EPHB1: variants seen among roughly 807,000 people sequenced by gnomAD.
EPHB1 encodes EPH receptor B1, also known as ephrin type-B receptor 1.
Under a neutral mutation model 94.4 loss-of-function variants are expected in EPHB1, and 30 were observed. That is an observed-to-expected ratio of 0.32 (90% confidence interval 0.24 to 0.43). The LOEUF (loss-of-function observed/expected upper bound fraction) is 0.43, where lower values mean the gene tolerates loss of function less well. Among genes scored for constraint, EPHB1 ranks in the 20% least tolerant of loss-of-function variants. The probability of loss-of-function intolerance (pLI) is 1.00; values close to 1 mark genes in which losing one functional copy is unlikely to be tolerated. For synonymous variants in EPHB1, 522 were observed against 489.1 expected (o/e 1.07, Z -0.89); for missense variants, 1,055 against 1,308.3 (o/e 0.81, Z 2.99).
chr3:134,801,209 C>T (rs2035928725), intron 1 of EPHB1, among the ~76,000 whole-genome samples: 1 of 152,208 alleles, frequency 6.6e-6, no homozygotes, highest in Admixed American at 6.5e-5. Flanking sequence ...TCTCTCTGCA[C>T]CTTCCTCCTA....
intron 3 of EPHB1, among the ~76,000 whole-genome samples, chr3:134,982,802 G>A (rs1298223722): frequency 7.3e-6 from 1 of 136,340 alleles, no homozygotes; most frequent in Non-Finnish European, 1.6e-5. Context: ...ACTTTCCAAA[G>A]AGATATTTTC....
chr3:135,098,766 C>T (rs896632872), intron 3 of EPHB1, among the ~76,000 whole-genome samples: 2 of 152,092 alleles, frequency 1.3e-5, no homozygotes, highest in African/African-American at 4.8e-5. Context: ...AATCCCAACA[C>T]TTTGGGAAGC....
intron 1 of EPHB1, among the ~76,000 whole-genome samples, chr3:134,847,919 G>T: frequency 6.6e-6 from 1 of 152,196 alleles, no homozygotes; most frequent in Non-Finnish European, 1.5e-5. Context: ...TCTACCCACT[G>T]AGCCTTGCAC....
Position 134,951,983 on chromosome 3 carries a change from T to C in EPHB1, c.736T>C (p.Trp246Arg), listed in dbSNP as rs1933050727. Residue 246 changes from tryptophan (W) to arginine (R), a missense_variant, in exon 3 of 16, where the codon TGG (tryptophan) becomes CGG (arginine). Coordinates refer to ENST00000398015, the MANE Select transcript of EPHB1 (RefSeq NM_004441.5). The surrounding 1 kb of genome is among the most constrained non-coding windows in gnomAD (Gnocchi z 4.5). ...ACTCTACTGCAACGGGGATGGGGAA[T>C]GGATGGTGCCTATTGGGCGATGCAC... ...IKLYCNGDGE[W>R]MVPIGRCTCK... 6.2e-7 allele frequency: 1 copy of C among 1,613,846 alleles called. No individual in the cohort carries two copies. Among genetic ancestry groups the C allele is most frequent in the Non-Finnish European group, 8.5e-7 (1 of 1,179,888 alleles).
rs140119847 is a variant in EPHB1 at position 135,124,283 on chromosome 3, C to A, written c.962-8431C>A. ...AGATGGCCTCTGCTCTGAGAGAGCT[C>A]CCCTCACCACACCAGCATGCTGTCT... On this transcript the variant is annotated intron_variant, in intron 4 of 15. Coordinates refer to ENST00000398015, the MANE Select transcript of EPHB1 (RefSeq NM_004441.5). 6.6e-5 allele frequency among the ~76,000 whole-genome samples: 10 copies of A among 151,782 alleles called. No homozygotes were observed. In the South Asian group the frequency reaches 1.7e-3, roughly 25 times the overall value.
intron 1 of EPHB1, among the ~76,000 whole-genome samples, chr3:134,801,768 G>A (rs540659470): frequency 6.6e-6 from 1 of 152,334 alleles, no homozygotes; most frequent in Non-Finnish European, 1.5e-5. Flanking sequence ...TTGGGTCAGA[G>A]TGCTTAACTA....
At chr3:134,877,200 G>C (rs1256755790) in intron 1 of EPHB1, among the ~76,000 whole-genome samples, 1 of 152,202 alleles carries the variant, frequency 6.6e-6, no homozygotes, top group African/African-American at 2.4e-5. Flanking sequence ...GATCTAGGAA[G>C]ATCCACCATT....
chr3:134,883,010 G>C (rs1230282866), intron 1 of EPHB1, among the ~76,000 whole-genome samples: 1 of 151,930 alleles, frequency 6.6e-6, no homozygotes, highest in East Asian at 1.9e-4. Flanking sequence ...TTTTACTAGA[G>C]ATGGGGTTTC....
intron 3 of EPHB1, among the ~76,000 whole-genome samples, chr3:135,050,649 G>A (rs1402610561): frequency 1.3e-5 from 2 of 152,126 alleles, no homozygotes; most frequent in Admixed American, 6.5e-5. Context: ...TTTCGTCATG[G>A]GGCTGGATCC....
At chr3:135,224,281 CT>C (rs1178618715) in intron 12 of EPHB1, among the ~76,000 whole-genome samples, 2 of 152,148 alleles carry the variant, frequency 1.3e-5, no homozygotes, top group Non-Finnish European at 2.9e-5. Flanking sequence ...TTTTCTTTGC[CT>C]TTTATGACAT....
chr3:135,196,896 A>G (rs1377687681), intron 11 of EPHB1, among the ~76,000 whole-genome samples: 8 of 152,180 alleles, frequency 5.3e-5, no homozygotes, highest in African/African-American at 1.7e-4. Context: ...ATACAAATCC[A>G]TAATTAAATT....
chr3:134,938,930 G>A (rs2039062358), intron 2 of EPHB1, among the ~76,000 whole-genome samples: 1 of 152,124 alleles, frequency 6.6e-6, no homozygotes, highest in Admixed American at 6.5e-5. Flanking sequence ...CTAAGCTGGG[G>A]ATCCGCATGA....
intron 1 of EPHB1, among the ~76,000 whole-genome samples, chr3:134,883,430 G>A (rs1303705146): frequency 7.9e-5 from 12 of 152,156 alleles, no homozygotes; most frequent in East Asian, 3.9e-4. Flanking sequence ...TGAGCATTCC[G>A]TCCCACACAG....
At chr3:134,968,494 T>G (rs893813020) in intron 3 of EPHB1, among the ~76,000 whole-genome samples, 1 of 152,214 alleles carries the variant, frequency 6.6e-6, no homozygotes, top group African/African-American at 2.4e-5. Context: ...TAAATAGCTA[T>G]GGGTTTGTCC....
At chr3:135,090,554 T>A (rs144019377) in intron 3 of EPHB1, among the ~76,000 whole-genome samples, 1 of 152,338 alleles carries the variant, frequency 6.6e-6, no homozygotes, top group Non-Finnish European at 1.5e-5. Context: ...TCACTGCAAT[T>A]TAGGAGCTGA....
At chr3:134,851,551 G>C (rs1485065637) in intron 1 of EPHB1, among the ~76,000 whole-genome samples, 1 of 152,178 alleles carries the variant, frequency 6.6e-6, no homozygotes, top group African/African-American at 2.4e-5. Flanking sequence ...TTGCATGGGA[G>C]GAACACCTGG....
At chr3:135,076,251 A>ATG in intron 3 of EPHB1, among the ~76,000 whole-genome samples, 1 of 145,094 alleles carries the variant, frequency 6.9e-6, no homozygotes, top group East Asian at 2.0e-4. Context: ...ATATATATAT[A>ATG]TATATATATA....
intron 3 of EPHB1, among the ~76,000 whole-genome samples, chr3:135,097,130 T>C (rs1420623053): frequency 1.3e-5 from 2 of 149,252 alleles, no homozygotes; most frequent in East Asian, 1.9e-4. Context: ...AAAAATTACA[T>C]TCGGAATTAG....
chr3:134,884,302 G>A (rs2037818974), intron 1 of EPHB1, among the ~76,000 whole-genome samples: 1 of 152,230 alleles, frequency 6.6e-6, no homozygotes, highest in Admixed American at 6.5e-5. Context: ...TTCTTGTTGG[G>A]TAATGTACTG....
Sources: allele counts gnomAD v4.1 joint callset (sites outside exome capture counted in the v4.1 genomes callset), GRCh38; gene constraint gnomAD v4.1.1; non-coding constraint Gnocchi (gnomAD v3.1); transcripts MANE v1.5; gene names NCBI Gene and HGNC (gene_info 2026-07-23, HGNC 2026-07-21).